STPG2: variants seen among roughly 807,000 people sequenced by gnomAD.
STPG2 encodes sperm-tail PG-rich repeat-containing protein 2.
STPG2 carries 56 observed loss-of-function variants against 54.2 expected under a neutral mutation model. That is an observed-to-expected ratio of 1.03 (90% CI 0.83 to 1.29). The LOEUF (loss-of-function observed/expected upper bound fraction) is 1.29, where lower values mean the gene tolerates loss of function less well. STPG2 is among the 50% of genes most tolerant of loss of function. The pLI is 0.00. For synonymous variants in STPG2, 200 were observed against 181.8 expected (o/e 1.10, Z -0.81); for missense variants, 596 against 544.9 (o/e 1.09, Z -0.93).
chr4:97,502,900 C>T (rs1240690727), intron 4 of STPG2, among the ~76,000 whole-genome samples: 2 of 151,934 alleles, frequency 1.3e-5, no homozygotes, highest in African/African-American at 4.8e-5. Flanking sequence ...ATCTCTCTCT[C>T]TCTCTCATTC....
At chr4:98,032,433 C>T (rs1368218279) in intron 5 of STPG2, among the ~76,000 whole-genome samples, 1 of 152,030 alleles carries the variant, frequency 6.6e-6, no homozygotes, top group Non-Finnish European at 1.5e-5. Flanking sequence ...TTAAAAATCA[C>T]GAGATACCAT....
intron 5 of STPG2, among the ~76,000 whole-genome samples, chr4:98,093,806 G>A (rs1738761140): frequency 6.6e-6 from 1 of 152,200 alleles, no homozygotes; most frequent in African/African-American, 2.4e-5. Context: ...TCAGAGTGGA[G>A]AATAAAGCCA....
intron 9 of STPG2, among the ~76,000 whole-genome samples, chr4:97,738,579 A>C (rs574082445): frequency 6.6e-6 from 1 of 152,340 alleles, no homozygotes; most frequent in East Asian, 1.9e-4. Flanking sequence ...CTGATAAAAC[A>C]GACTTCAAAC....
chr4:97,538,692 T>C (rs1330296193), intron 4 of STPG2, among the ~76,000 whole-genome samples: 2 of 152,062 alleles, frequency 1.3e-5, no homozygotes, highest in South Asian at 2.1e-4. Context: ...ATACAGAGAA[T>C]GCCACAAAGA....
intron 8 of STPG2, among the ~76,000 whole-genome samples, chr4:97,872,633 G>T (rs1008469632): frequency 4.6e-5 from 7 of 151,136 alleles, no homozygotes; most frequent in African/African-American, 1.7e-4. Context: ...TCAAAATATG[G>T]AAAGATATCT....
rs150729404 is a variant in STPG2, at chr4:98,139,023, G to A, written c.109+4019C>T. 7.3e-4 allele frequency among the ~76,000 whole-genome samples: 111 copies of A among 152,224 alleles called. 4 individuals are homozygous for A. In the East Asian group the frequency reaches 0.02, roughly 27 times the overall value. ...ACATTATACTAGGCTGGTTGTCTCT[G>A]GGGAATATTTACTTTAATAAGAGAT... On this transcript the variant is annotated intron_variant, in intron 1 of 10. Coordinates refer to ENST00000295268, the MANE Select transcript of STPG2 (RefSeq NM_174952.3).
chr4:97,816,886 CTTTT>C (rs905189464), intron 9 of STPG2, among the ~76,000 whole-genome samples: 47 of 146,514 alleles, frequency 3.2e-4, no homozygotes, highest in African/African-American at 9.3e-4. Flanking sequence ...CTTTCTTTTT[CTTTT>C]TTATTTCTCT....
intron 9 of STPG2, among the ~76,000 whole-genome samples, chr4:97,796,572 G>T (rs2149085190): frequency 1.3e-5 from 2 of 152,240 alleles, no homozygotes; most frequent in Admixed American, 1.3e-4. Flanking sequence ...CTCTGTTTTG[G>T]TACTAGTACC....
At chr4:97,477,929 A>G (rs1730119209) in intron 4 of STPG2, among the ~76,000 whole-genome samples, 1 of 152,180 alleles carries the variant, frequency 6.6e-6, no homozygotes, top group Non-Finnish European at 1.5e-5. Context: ...CTACGTGATA[A>G]AAACTAGCAT....
intron 6 of STPG2, among the ~76,000 whole-genome samples, chr4:97,975,547 C>G (rs809179): frequency 0.84 from 128,025 of 152,136 alleles, 54,049 homozygotes; most frequent in Middle Eastern, 0.94. Context: ...CTATGCTGTT[C>G]AAAAGTTTTT....
chr4:97,552,189 A>G (rs907017608), intron 4 of STPG2, among the ~76,000 whole-genome samples: 1 of 152,146 alleles, frequency 6.6e-6, no homozygotes, highest in African/African-American at 2.4e-5. Context: ...TGACCATATC[A>G]GGGAGAACAT....
intron 9 of STPG2, among the ~76,000 whole-genome samples, chr4:97,743,913 C>T (rs145362559): frequency 1.7e-4 from 25 of 151,324 alleles, no homozygotes; most frequent in Non-Finnish European, 2.7e-4. Flanking sequence ...AGAGCATAAG[C>T]GAAGTTCTTA....
intron 4 of STPG2, among the ~76,000 whole-genome samples, chr4:97,541,781 C>A (rs1210938072): frequency 1.3e-5 from 2 of 152,050 alleles, no homozygotes. Context: ...AGATATAGAC[C>A]AATGGAACAG....
At chr4:97,481,538 G>A (rs1483366029) in intron 4 of STPG2, among the ~76,000 whole-genome samples, 2 of 151,378 alleles carry the variant, frequency 1.3e-5, no homozygotes, top group Non-Finnish European at 3.0e-5. Flanking sequence ...CCAATGTTTT[G>A]TATTTTGCAG....
chr4:97,542,027 A>T (rs1241253240), intron 4 of STPG2, among the ~76,000 whole-genome samples: 4 of 152,192 alleles, frequency 2.6e-5, no homozygotes, highest in Non-Finnish European at 4.4e-5. Context: ...CCTAGAAGAA[A>T]ATCTAGGCAA....
chr4:98,026,301 A>C, intron 5 of STPG2: 1 of 667,258 alleles, frequency 1.5e-6, no homozygotes, highest in South Asian at 1.8e-5. Context: ...TTTCAGATAA[A>C]GACAATAAAA....
At chr4:97,441,858 T>C (rs2148790426) in intron 4 of STPG2, among the ~76,000 whole-genome samples, 1 of 152,086 alleles carries the variant, frequency 6.6e-6, no homozygotes, top group African/African-American at 2.4e-5. Flanking sequence ...TCTAATAAGA[T>C]AAAATGTTAC....
intron 10 of STPG2, among the ~76,000 whole-genome samples, chr4:97,595,120 A>C (rs1733251617): frequency 6.6e-6 from 1 of 152,228 alleles, no homozygotes. Flanking sequence ...AAAGGATTAT[A>C]AATCATGCTG....
intron 4 of STPG2, among the ~76,000 whole-genome samples, chr4:97,449,832 G>A (rs980333767): frequency 6.6e-6 from 1 of 152,154 alleles, no homozygotes; most frequent in African/African-American, 2.4e-5. Context: ...TGATCAGAGT[G>A]AGAGCACACA....
Sources: gnomAD v4.1 joint callset for allele counts (sites outside exome capture counted in the v4.1 genomes callset) on GRCh38, gnomAD v4.1.1 for gene constraint, MANE v1.5 for transcripts, NCBI Gene and HGNC (gene_info 2026-07-23, HGNC 2026-07-21) for gene names.